ACER3: variants seen among roughly 807,000 people sequenced by gnomAD.
ACER3 encodes alkCDase 3.
Under a neutral mutation model 48.9 loss-of-function variants are expected in ACER3, and 16 were observed. The ratio of observed to expected loss-of-function variants is 0.33; its 90% confidence interval spans 0.22 to 0.50. The LOEUF (loss-of-function observed/expected upper bound fraction) is 0.50, where lower values mean the gene tolerates loss of function less well. Ranked by LOEUF, ACER3 falls within the 20% of genes least tolerant of loss-of-function variation. ACER3 has a pLI of 0.98. For missense variants in ACER3, 227 were observed against 326.0 expected, an observed-to-expected ratio of 0.70 and a Z score of 2.34; for synonymous variants, 109 against 107.8, an observed-to-expected ratio of 1.01 and a Z score of -0.07.
intron 1 of ACER3, among the ~76,000 whole-genome samples, chr11:76,908,458 CAAACAGAG>C (rs1383495806): frequency 6.8e-5 from 2 of 29,450 alleles, no homozygotes; most frequent in Non-Finnish European, 2.1e-4. Flanking sequence ...CAATAGTAGA[CAAACAGAG>C]AGCCAAATCA....
chr11:76,936,164 T>C (rs1947177775), intron 2 of ACER3, among the ~76,000 whole-genome samples: 1 of 152,154 alleles, frequency 6.6e-6, no homozygotes, highest in South Asian at 2.1e-4. Flanking sequence ...ACTTCTTACA[T>C]GGATGGTGGC....
In ACER3 at chr11:76,969,276, A is replaced by T. The variant is rs965056127; in HGVS notation, c.268-7013A>T. 3.9e-5 allele frequency among the ~76,000 whole-genome samples: 6 copies of T among 152,360 alleles called. No individual in the cohort carries two copies. In the East Asian group the frequency reaches 1.2e-3, roughly 29 times the overall value. On this transcript the variant is annotated intron_variant, in intron 3 of 10. Transcript: ENST00000532485. ...TCTCACACCAGTTAGAATGGTGATC[A>T]TTAAAAAGTCAGGAAACAACACGTG...
chr11:76,882,403 G>C (rs1446148752), intron 1 of ACER3, among the ~76,000 whole-genome samples: 2 of 152,176 alleles, frequency 1.3e-5, no homozygotes, highest in South Asian at 4.1e-4. Flanking sequence ...CTATTTGTCT[G>C]TTAGGTCCAT....
chr11:76,927,477 T>C lies in ACER3; in HGVS notation c.214+810T>C, dbSNP rs139152345. Reference sequence around the variant, plus strand: ...TATTCTGTTTTTTTTATTATTATTATACTTTAAGTTCTAGGGTACACGTGC... The same window carrying C: ...TATTCTGTTTTTTTTATTATTATTACACTTTAAGTTCTAGGGTACACGTGC... On this transcript the variant is annotated intron_variant, in intron 2 of 10. Coordinates refer to ENST00000532485, the MANE Select transcript of ACER3 (RefSeq NM_018367.7). Among the ~76,000 whole-genome samples, 1,150 of 152,298 alleles carry C rather than the reference T, an allele frequency of 7.6e-3. 7 individuals are homozygous for C. The highest frequency in any genetic ancestry group is 0.026 in the African/African-American group (1,083 of 41,548).
chr11:76,978,194 C>G (rs1342038829), intron 4 of ACER3, among the ~76,000 whole-genome samples: 2 of 152,180 alleles, frequency 1.3e-5, no homozygotes, highest in East Asian at 3.9e-4. Flanking sequence ...CCCGGTGAAG[C>G]TCCACCTTCA....
intron 1 of ACER3, among the ~76,000 whole-genome samples, chr11:76,897,763 A>C (rs1590897274): frequency 6.6e-6 from 1 of 152,196 alleles, no homozygotes; most frequent in African/African-American, 2.4e-5. Context: ...ACATCTTCTA[A>C]ATACCCAGGA....
intron 1 of ACER3, among the ~76,000 whole-genome samples, chr11:76,885,337 G>C (rs746638465): frequency 2.6e-5 from 4 of 151,932 alleles, no homozygotes; most frequent in Non-Finnish European, 4.4e-5. Context: ...GAACATGCAG[G>C]TTTATTACAT....
chr11:76,935,606 A>G (rs185284054), intron 2 of ACER3, among the ~76,000 whole-genome samples: 11 of 152,364 alleles, frequency 7.2e-5, no homozygotes, highest in African/African-American at 2.6e-4. Context: ...AAGAGGAAGT[A>G]TAAGCCAAGT....
At chr11:76,899,009 T>C (rs911605603) in intron 1 of ACER3, among the ~76,000 whole-genome samples, 2 of 151,060 alleles carry the variant, frequency 1.3e-5, no homozygotes, top group African/African-American at 4.9e-5. Flanking sequence ...TTTCAACAAC[T>C]AGATCTGATG....
chr11:76,939,524 A>C (rs1275067978), intron 2 of ACER3, among the ~76,000 whole-genome samples: 1 of 152,186 alleles, frequency 6.6e-6, no homozygotes, highest in Non-Finnish European at 1.5e-5. Flanking sequence ...TGAGTCGAGG[A>C]GGTAGAGGCT....
At chr11:76,890,129 A>G (rs1477823985) in intron 1 of ACER3, among the ~76,000 whole-genome samples, 1 of 152,162 alleles carries the variant, frequency 6.6e-6, no homozygotes, top group Admixed American at 6.5e-5. Context: ...TGTAAAGTCT[A>G]TGAGGGGAGG....
intron 2 of ACER3, among the ~76,000 whole-genome samples, chr11:76,933,173 C>CATGTATATAT (rs1555004131): frequency 1.5e-5 from 2 of 129,598 alleles, no homozygotes; most frequent in African/African-American, 2.7e-5. Context: ...ATACGTATTT[C>CATGTATATAT]ATATATATAT....
At chr11:77,013,646 A>G (rs548722661) in intron 7 of ACER3, among the ~76,000 whole-genome samples, 1 of 152,358 alleles carries the variant, frequency 6.6e-6, no homozygotes, top group South Asian at 2.1e-4. Context: ...AAAATGGTAC[A>G]GTCACTTAGG....
intron 5 of ACER3, among the ~76,000 whole-genome samples, chr11:76,989,367 A>G (rs1201318261): frequency 6.6e-6 from 1 of 152,078 alleles, no homozygotes; most frequent in African/African-American, 2.4e-5. Flanking sequence ...ATCTAAATCC[A>G]GTACTTAATA....
chr11:76,885,965 A>G (rs770678466), intron 1 of ACER3, among the ~76,000 whole-genome samples: 2 of 152,204 alleles, frequency 1.3e-5, no homozygotes, highest in Non-Finnish European at 2.9e-5. Flanking sequence ...AGCAGATAAG[A>G]AAGCCGTTGT....
At chr11:77,014,948 G>A (rs1555022954) in intron 7 of ACER3, 68 bp from the exon 8 acceptor site, 3 of 936,554 alleles carry the variant, frequency 3.2e-6, no homozygotes, top group African/African-American at 3.3e-5. Context: ...GAAAGTGATG[G>A]CTTCAATTTC....
At chr11:76,866,024 C>T (rs1040178513) in intron 1 of ACER3, among the ~76,000 whole-genome samples, 3 of 149,752 alleles carry the variant, frequency 2.0e-5, no homozygotes, top group African/African-American at 7.4e-5. Context: ...TGGGGTTTCA[C>T]CATGTTGGCC....
chr11:76,870,246 C>T (rs765208565), intron 1 of ACER3, among the ~76,000 whole-genome samples: 10 of 151,012 alleles, frequency 6.6e-5, no homozygotes, highest in Non-Finnish European at 1.2e-4. Flanking sequence ...ATCCTCCCAC[C>T]GTCTCAACCT....
rs1279972388 is a variant in ACER3 at position 76,971,545 on chromosome 11, AAG to A, written c.268-4742_268-4741del. Among the ~76,000 whole-genome samples, 188 of 152,200 alleles carry A rather than the reference AAG, an allele frequency of 1.2e-3. 1 individual carries two copies. The highest frequency in any genetic ancestry group is 4.3e-3 in the African/African-American group (177 of 41,484). On this transcript the variant is annotated intron_variant, in intron 3 of 10. Transcript: ENST00000532485. ...AGAGTGAGACTCCATCTCAAAAAAA[AAG>A]AAAAAAAAACCGATAATAGATTAAC...
Sources: gnomAD v4.1 joint callset for allele counts (sites outside exome capture counted in the v4.1 genomes callset) on GRCh38, gnomAD v4.1.1 for gene constraint, MANE v1.5 for transcripts, NCBI Gene and HGNC (gene_info 2026-07-23, HGNC 2026-07-21) for gene names.